Variants in ZCCHC7 observed in about 807,000 individuals in gnomAD.
ZCCHC7 encodes the protein zinc finger CCHC domain-containing protein 7.
In ZCCHC7, 35 loss-of-function variants were observed where a neutral mutation model predicts 52.0. The observed-to-expected ratio is 0.67, with a 90% CI of 0.51 to 0.89. The LOEUF is 0.89. Ranked by LOEUF, ZCCHC7 falls within the 40% of genes least tolerant of loss-of-function variation. ZCCHC7 has a pLI of 0.00. For synonymous variants in ZCCHC7, 217 were observed against 221.5 expected (o/e 0.98, Z 0.18); for missense variants, 574 against 649.1 (o/e 0.88, Z 1.26).
intron 2 of ZCCHC7, among the ~76,000 whole-genome samples, chr9:37,222,226 AC>A (rs940133136): frequency 6.6e-6 from 1 of 151,886 alleles, no homozygotes; most frequent in Non-Finnish European, 1.5e-5. Context: ...AAAAAAAAAA[AC>A]AAATGGTGAC....
intron 2 of ZCCHC7, among the ~76,000 whole-genome samples, chr9:37,158,190 G>A (rs1464776731): frequency 6.6e-6 from 1 of 152,190 alleles, no homozygotes; most frequent in Non-Finnish European, 1.5e-5. Context: ...TTTGTTAAGA[G>A]AGCATTTATT....
At chr9:37,284,137 A>G (rs891489749) in intron 2 of ZCCHC7, 2 of 152,024 alleles carry the variant, frequency 1.3e-5, no homozygotes, top group Non-Finnish European at 2.9e-5. Flanking sequence ...CATGAATTTA[A>G]CTGTTCCTGT....
At position 37,158,927 on chromosome 9, in the gene ZCCHC7, G is replaced by T. The variant is rs138896773; in HGVS notation, c.610+31985G>T. 5.7e-4 allele frequency among the ~76,000 whole-genome samples: 87 copies of T among 152,302 alleles called. No homozygotes were observed. In the South Asian group the frequency reaches 8.1e-3, roughly 14 times the overall value. On this transcript the variant is annotated intron_variant, in intron 2 of 8. Coordinates refer to ENST00000336755, the MANE Select transcript of ZCCHC7 (RefSeq NM_032226.3). ...TTATAGTATGCCACAGCCACTTCCA[G>T]TGCAATCCTCCTAGTCTTGGAACAG... is the stretch of plus-strand genomic sequence containing the variant.
At position 37,275,318 on chromosome 9, in the gene ZCCHC7, CTTT is replaced by C. The variant is rs35954918; in HGVS notation, c.611-26854_611-26852del. Reference sequence around the variant, plus strand: ...TCCTAATCTATATTGTCTAGTTTTCCTTTTTTTTTTTTTTTTTTGAGCTTTATA... The same window carrying C: ...TCCTAATCTATATTGTCTAGTTTTCCTTTTTTTTTTTTTTTGAGCTTTATA... On this transcript the variant is annotated intron_variant, in intron 2 of 8. Transcript: ENST00000336755. Among the ~76,000 whole-genome samples, 10 of 124,016 alleles carry C rather than the reference CTTT, an allele frequency of 8.1e-5. 1 individual carries two copies. The highest frequency in any genetic ancestry group is 1.2e-4 in the African/African-American group (4 of 32,366). The allele number at this position is 124,016 out of a possible 152,430, so 81.4% of individuals were successfully genotyped here.
At chr9:37,260,093 A>G (rs1215213276) in intron 2 of ZCCHC7, among the ~76,000 whole-genome samples, 2 of 152,242 alleles carry the variant, frequency 1.3e-5, no homozygotes, top group Non-Finnish European at 2.9e-5. Flanking sequence ...ATACTTTGCA[A>G]TAATATGCTG....
chr9:37,197,326 T>C (rs555979304), intron 2 of ZCCHC7, among the ~76,000 whole-genome samples: 1 of 152,324 alleles, frequency 6.6e-6, no homozygotes, highest in African/African-American at 2.4e-5. Flanking sequence ...GTCTGTGAGC[T>C]TTTGCTAAGG....
intron 2 of ZCCHC7, among the ~76,000 whole-genome samples, chr9:37,233,930 T>C (rs1476076598): frequency 1.3e-5 from 2 of 152,202 alleles, no homozygotes; most frequent in Non-Finnish European, 2.9e-5. Context: ...CTCGGCTCAC[T>C]GCAACTTACA....
intron 2 of ZCCHC7, among the ~76,000 whole-genome samples, chr9:37,252,665 A>G (rs1826385654): frequency 6.6e-6 from 1 of 152,182 alleles, no homozygotes; most frequent in Non-Finnish European, 1.5e-5. Context: ...TTTGCAAATT[A>G]TTGTTTTAAC....
At chr9:37,123,800 T>G (rs1381824041) in intron 1 of ZCCHC7, among the ~76,000 whole-genome samples, 1 of 152,238 alleles carries the variant, frequency 6.6e-6, no homozygotes, top group Non-Finnish European at 1.5e-5. Flanking sequence ...GATTCATCTT[T>G]TATTCGAATT....
intron 5 of ZCCHC7, among the ~76,000 whole-genome samples, chr9:37,308,967 GAA>G (rs1479728634): frequency 2.3e-5 from 3 of 128,992 alleles, no homozygotes; most frequent in African/African-American, 9.6e-5. Context: ...GCAACAGAGT[GAA>G]AGTCTGTATC....
chr9:37,279,070 T>C (rs1183035938), intron 2 of ZCCHC7, among the ~76,000 whole-genome samples: 1 of 152,164 alleles, frequency 6.6e-6, no homozygotes, highest in Non-Finnish European at 1.5e-5. Context: ...CCTCCACTAG[T>C]AGAAATGCTG....
intron 2 of ZCCHC7, among the ~76,000 whole-genome samples, chr9:37,166,134 C>T (rs944475557): frequency 3.2e-5 from 4 of 123,848 alleles, no homozygotes; most frequent in Admixed American, 2.4e-4. Context: ...GGGTGGCTCA[C>T]GCCTGTAATC....
chr9:37,335,552 G>A (rs1830613533), intron 6 of ZCCHC7, among the ~76,000 whole-genome samples: 1 of 152,154 alleles, frequency 6.6e-6, no homozygotes, highest in Non-Finnish European at 1.5e-5. Context: ...GACAGAGCAT[G>A]TTAAACACTA....
intron 2 of ZCCHC7, among the ~76,000 whole-genome samples, chr9:37,296,880 T>TG (rs1828806438): frequency 8.2e-5 from 11 of 134,188 alleles, no homozygotes; most frequent in Admixed American, 1.6e-4. Context: ...ACCTGGCTAG[T>TG]TTGTGTGTGT....
intron 2 of ZCCHC7, among the ~76,000 whole-genome samples, chr9:37,214,897 A>G (rs974859936): frequency 7.9e-5 from 12 of 152,096 alleles, no homozygotes; most frequent in African/African-American, 2.4e-4. Context: ...ATTGCAACCT[A>G]TACAGTTGAA....
chr9:37,351,809 T>C (rs1400862306), intron 7 of ZCCHC7, among the ~76,000 whole-genome samples: 1 of 152,200 alleles, frequency 6.6e-6, no homozygotes, highest in East Asian at 1.9e-4. Flanking sequence ...GCATTTATGT[T>C]TGTTCAATTA....
chr9:37,356,909 C>T lies in ZCCHC7; in HGVS notation c.1273C>T (p.His425Tyr), dbSNP rs374169307. 11 of 1,613,436 alleles carry T rather than the reference C, an allele frequency of 6.8e-6. No individual in the cohort carries two copies. The highest frequency in any genetic ancestry group is 1.3e-5 in the African/African-American group (1 of 74,752). The change falls in exon 9 of 9, where the codon CAT becomes TAT. Residue 425 changes from histidine to tyrosine, a missense_variant. By Grantham distance (83) the His-to-Tyr change is moderately conservative. This residue lies in a region of ZCCHC7 where 168 missense variants were observed against 171.6 expected (regional missense o/e 0.98). Transcript: ENST00000336755. ...YIKAANENPH[H>Y]DIRKGRASWK... The stretch of plus-strand genomic sequence containing the variant: ...AAAAGCAGCAAATGAGAACCCCCAC[C>T]ATGATATAAGGAAGGGCCGTGCCTC...
rs541525517 is a variant in ZCCHC7 at position 37,122,250 on chromosome 9, G to A, written c.-22+1627G>A. Among the ~76,000 whole-genome samples, 28 of 152,332 alleles carry A rather than the reference G, an allele frequency of 1.8e-4. No homozygotes were observed. In the South Asian group the frequency reaches 5.6e-3, roughly 30 times the overall value. On this transcript the variant is annotated intron_variant, in intron 1 of 8. Transcript: ENST00000336755. The stretch of plus-strand genomic sequence containing the variant: ...TGCTGAAAGCTTAAATAAGCCTTAA[G>A]TTGTCTAGTTTAAAACAATTCAGTC...
rs750995487 is a variant in ZCCHC7, at chr9:37,126,932, T to G, written c.600T>G (p.Ser200=). ...ILLNLVGCEN[S]VTEGEDGINW... is the part of the protein sequence containing the mutation. ...TCAACCTTGTGGGATGTGAAAACTC[T>G]GTTACTGAAGGTTAGTATCATATTG... Residue 200 remains serine (S), a synonymous_variant, in exon 2 of 9, where the codon TCT becomes TCG. Coordinates refer to ENST00000336755, the MANE Select transcript of ZCCHC7 (RefSeq NM_032226.3). 1.1e-5 allele frequency: 18 copies of G among 1,613,330 alleles called. 1 individual carries two copies. The highest frequency in any genetic ancestry group is 1.7e-6 in the Non-Finnish European group (2 of 1,179,894).
Sources: gnomAD v4.1 joint callset for allele counts (sites outside exome capture counted in the v4.1 genomes callset) on GRCh38, gnomAD v4.1.1 for gene constraint, gnomAD v4.1.1 regional missense constraint, MANE v1.5 for transcripts, NCBI Gene and HGNC (gene_info 2026-07-23, HGNC 2026-07-21) for gene names.